Variants in FBF1 observed in about 807,000 individuals in gnomAD.
FBF1 encodes the protein fas-binding factor 1.
FBF1 carries 119 observed loss-of-function variants against 147.2 expected under a neutral mutation model. The observed-to-expected ratio is 0.81, with a 90% CI of 0.70 to 0.94. The LOEUF (loss-of-function observed/expected upper bound fraction) is 0.94, where lower values mean the gene tolerates loss of function less well. Ranked by LOEUF, FBF1 falls within the 40% of genes least tolerant of loss-of-function variation. The probability of loss-of-function intolerance (pLI) is 0.00; values close to 1 mark genes in which losing one functional copy is unlikely to be tolerated. For missense variants in FBF1, 1,449 were observed against 1,500.8 expected (o/e 0.97, Z 0.57); for synonymous variants, 601 against 609.0 (o/e 0.99, Z 0.19).
intron 25 of FBF1, 118 bp from the exon 26 acceptor site, chr17:75,914,416 G>T: frequency 7.0e-7 from 1 of 1,421,862 alleles, no homozygotes; most frequent in Non-Finnish European, 9.3e-7. Context: ...GGAGCCAGGG[G>T]CTTCCAGGGA....
chr17:75,925,481 G>C lies in FBF1; in HGVS notation c.869-35C>G. 1 of 1,568,446 alleles carries C rather than the reference G, an allele frequency of 6.4e-7. No individual in the cohort carries two copies. The highest frequency in any genetic ancestry group is 8.7e-7 in the Non-Finnish European group (1 of 1,150,916). On this transcript the variant is annotated intron_variant, in intron 12 of 29. Transcript: ENST00000636174. This position sits in a 1 kb window ranked among gnomAD's most constrained non-coding sequence, Gnocchi z 5.0. Reference sequence around the variant, plus strand: ...AAGGAGCCTGTGACCGTGATCTGGAGTAGGGGAACCAAGCTCATTTGCGGC... The same window carrying C: ...AAGGAGCCTGTGACCGTGATCTGGACTAGGGGAACCAAGCTCATTTGCGGC...
rs73997661 is a variant in FBF1 at position 75,925,676 on chromosome 17, T to C, written c.869-230A>G. ...GGTCAGGTCCAGCGAGCGGCATGTG[T>C]CACAAGAATGATTCTCAGCAGACAG... On this transcript the variant is annotated intron_variant, in intron 12 of 29. Transcript: ENST00000636174. The surrounding 1 kb of genome is among the most constrained non-coding windows in gnomAD (Gnocchi z 5.0). Among the ~76,000 whole-genome samples the C allele has an allele frequency of 2.8e-4, 42 of 152,268 alleles. No homozygotes were observed. The highest frequency in any genetic ancestry group is 9.9e-4 in the African/African-American group (41 of 41,550).
At chr17:75,921,132 T>C in intron 17 of FBF1, 112 bp downstream of exon 17, 4 of 1,121,210 alleles carry the variant, frequency 3.6e-6, no homozygotes, top group Non-Finnish European at 5.2e-6. Flanking sequence ...ACATTTGGTA[T>C]GTTTGACACA....
chr17:75,929,069 C>T (rs573564275), intron 7 of FBF1, among the ~76,000 whole-genome samples: 51 of 151,392 alleles, frequency 3.4e-4, no homozygotes, highest in African/African-American at 1.2e-3. Flanking sequence ...TAGCTCATTG[C>T]AGCCTCCAAC....
Position 75,927,013 on chromosome 17 carries a change from G to A in FBF1, c.476-136C>T, listed in dbSNP as rs538292925. 4.2e-5 allele frequency: 53 copies of A among 1,262,192 alleles called. No homozygotes were observed. The African/African-American group carries it at 6.5e-4, about 15-fold the overall frequency. The allele number at this position is 1,262,192 out of a possible 1,614,324, so 78.2% of individuals were successfully genotyped here. A position where few individuals can be genotyped will look rare whatever the true frequency, so the allele number is the denominator to read the frequency against. ...AAACAAGCCCCCTGGCATCTGGAGG[G>A]TGGGGCCTGGGGCAACGGGGACTCC... On this transcript the variant is annotated intron_variant, in intron 9 of 29. Transcript: ENST00000636174.
chr17:75,921,986 T>C lies in FBF1; in HGVS notation c.1485A>G (p.Thr495=), dbSNP rs756856978. 2 of 1,551,470 alleles carry C rather than the reference T, an allele frequency of 1.3e-6. No individual in the cohort carries two copies. Among genetic ancestry groups the C allele is most frequent in the South Asian group, 1.2e-5 (1 of 84,042 alleles). The change falls in exon 15 of 30, where the codon ACA becomes ACG. Residue 495 remains threonine, a synonymous_variant. Transcript: ENST00000636174. ...EHAAAGGSSG[T]TARERPCVRP... ...TGACACACGGTCTTTCTCGTGCAGT[T>C]GTTCCAGAACTCCCTCCAGCAGCTG...
Position 75,920,318 on chromosome 17 carries a change from C to A in FBF1, c.1786G>T (p.Glu596Ter), listed in dbSNP as rs368013016. 6.2e-7 allele frequency: 1 copy of A among 1,611,032 alleles called. No homozygotes were observed. The highest frequency in any genetic ancestry group is 1.1e-5 in the South Asian group (1 of 90,786). ...AGCCGGGCCTGGCTATGCAGCAGCT[C>A]GGCCTGGAGCTCAGCGGGGCTGCAC... is the stretch of plus-strand genomic sequence containing the variant. ...LQCSPAELQA[E>*]LLHSQARLAE... The change falls in exon 18 of 30, where the codon GAG becomes TAG. Residue 596 changes from glutamate to a stop codon, truncating the protein, a stop_gained. Coordinates refer to ENST00000636174, the MANE Select transcript of FBF1 (RefSeq NM_001319193.2). LOFTEE classifies it high-confidence loss of function.
chr17:75,921,075 A>G (rs2065523066), intron 17 of FBF1, among the ~76,000 whole-genome samples, 169 bp downstream of exon 17: 1 of 152,190 alleles, frequency 6.6e-6, no homozygotes, highest in Non-Finnish European at 1.5e-5. Flanking sequence ...GAGGCTAGAA[A>G]TTCAGGCAAG....
chr17:75,931,372 C>A (rs967369827), intron 5 of FBF1, 83 bp from the exon 6 acceptor site: 1 of 1,270,200 alleles, frequency 7.9e-7, no homozygotes, highest in Non-Finnish European at 1.1e-6. Flanking sequence ...TTAGAAAGCC[C>A]AAGGAATCTC....
intron 15 of FBF1, 49 bp downstream of exon 15, chr17:75,921,896 T>C (rs1567860445): frequency 6.8e-7 from 1 of 1,470,240 alleles, no homozygotes; most frequent in East Asian, 2.5e-5. Flanking sequence ...CAGAGGCCTG[T>C]GCTGCCCACC....
chr17:75,930,593 C>G (rs1163329192), intron 6 of FBF1, among the ~76,000 whole-genome samples: 1 of 152,108 alleles, frequency 6.6e-6, no homozygotes, highest in African/African-American at 2.4e-5. Flanking sequence ...AACCCCGTCT[C>G]TACTAAAAAT....
chr17:75,913,323 T>A lies in FBF1; in HGVS notation c.3247+379A>T, dbSNP rs995208095. On this transcript the variant is annotated intron_variant, in intron 28 of 29. Transcript: ENST00000636174. ...GCCACCACACCCGGCTAATTTTGTATTTTTAGCAGAGACGGGGTTTCATTA... is the reference window on the plus strand; with the variant it reads ...GCCACCACACCCGGCTAATTTTGTAATTTTAGCAGAGACGGGGTTTCATTA... Among the ~76,000 whole-genome samples, 3 of 151,714 alleles carry A rather than the reference T, an allele frequency of 2.0e-5. No homozygotes were observed. In the East Asian group the frequency reaches 5.9e-4, roughly 30 times the overall value.
At chr17:75,913,470 CTTT>C (rs577427811) in intron 28 of FBF1, 1 of 419,760 alleles carries the variant, frequency 2.4e-6, no homozygotes, top group African/African-American at 2.1e-5. Context: ...TTTTTATTTC[CTTT>C]TTTTTTCCTG....
At position 75,931,599 on chromosome 17, in the gene FBF1, C is replaced by G. The variant is rs2065594810; in HGVS notation, c.168-310G>C. On this transcript the variant is annotated intron_variant, in intron 5 of 29. Transcript: ENST00000636174. ...AGGAGTTTGGGACCAACCTGGCCAA[C>G]ATGGTGAAACCCCATCTCTACTAAA... Among the ~76,000 whole-genome samples, 3 of 152,072 alleles carry G rather than the reference C, an allele frequency of 2.0e-5. No homozygotes were observed. In the South Asian group the frequency reaches 6.2e-4, roughly 32 times the overall value.
intron 3 of FBF1, among the ~76,000 whole-genome samples, chr17:75,936,522 A>G (rs1044880125): frequency 1.3e-5 from 2 of 151,828 alleles, no homozygotes; most frequent in Non-Finnish European, 2.9e-5. Flanking sequence ...AACCAAAACA[A>G]AAATTAGCCG....
chr17:75,931,099 A>G, intron 6 of FBF1, 130 bp downstream of exon 6: 1 of 984,322 alleles, frequency 1.0e-6, no homozygotes, highest in Non-Finnish European at 1.5e-6. Context: ...CATCTCAAAA[A>G]ACAAACAAAA....
Position 75,926,882 on chromosome 17 carries a change from C to T in FBF1, c.476-5G>A, listed in dbSNP as rs1235977319. The T allele has an allele frequency of 1.2e-6, 2 of 1,608,868 alleles. No homozygotes were observed. The highest frequency in any genetic ancestry group is 2.2e-5 in the South Asian group (2 of 89,984). The stretch of plus-strand genomic sequence containing the variant: ...CTCTCAATGGGTCTTCCAAGTCTCA[C>T]AGCAGAAGGGAAAGCACAGGTCAGA... On this transcript the variant is annotated splice_polypyrimidine_tract_variant and splice_region_variant and intron_variant, in intron 9 of 29. Transcript: ENST00000636174.
At chr17:75,917,872 C>T (rs900754256) in intron 22 of FBF1, 22 bp from the exon 23 acceptor site, 2 of 1,533,594 alleles carry the variant, frequency 1.3e-6, no homozygotes, top group Non-Finnish European at 1.7e-6. Context: ...CCACAGGGTG[C>T]TCAGCAGCTG....
At position 75,918,411 on chromosome 17, in the gene FBF1, C is replaced by T; in HGVS notation, c.2139-142G>A. On this transcript the variant is annotated intron_variant, in intron 20 of 29. Transcript: ENST00000636174. This position sits in a 1 kb window ranked among gnomAD's most constrained non-coding sequence, Gnocchi z 5.8. ...GGGCACTGCCTCAGTTTCCCCAGCTCCTCTGTCTTATCTGTCATGGTGCCT... is the reference window on the plus strand; with the variant it reads ...GGGCACTGCCTCAGTTTCCCCAGCTTCTCTGTCTTATCTGTCATGGTGCCT... 1.6e-6 allele frequency: 1 copy of T among 638,292 alleles called. No individual in the cohort carries two copies. The highest frequency in any genetic ancestry group is 2.7e-6 in the Non-Finnish European group (1 of 369,424). 39.5% of individuals were successfully genotyped at this position (638,292 alleles called of 1,614,324 possible).
Sources: allele counts gnomAD v4.1 joint callset (sites outside exome capture counted in the v4.1 genomes callset), GRCh38; gene constraint gnomAD v4.1.1; non-coding constraint Gnocchi (gnomAD v3.1); transcripts MANE v1.5; gene names NCBI Gene and HGNC (gene_info 2026-07-23, HGNC 2026-07-21).